CDH9: variants seen among roughly 807,000 people sequenced by gnomAD.
The protein encoded by CDH9 is cadherin 9.
In CDH9, 28 loss-of-function variants were observed where a neutral mutation model predicts 70.9. That is an observed-to-expected ratio of 0.40 (90% CI 0.29 to 0.54). CDH9 has a LOEUF of 0.54. Ranked by LOEUF, CDH9 falls within the 20% of genes least tolerant of loss-of-function variation. The pLI, the probability that CDH9 is intolerant of heterozygous loss-of-function variation, is 0.59. For synonymous variants in CDH9, 409 were observed against 343.1 expected (o/e 1.19, Z -2.12); for missense variants, 874 against 984.4 (o/e 0.89, Z 1.50).
intron 1 of CDH9, among the ~76,000 whole-genome samples, chr5:26,991,162 C>A: frequency 6.6e-6 from 1 of 152,064 alleles, no homozygotes; most frequent in East Asian, 1.9e-4. Context: ...ACTTCTAGTC[C>A]GGTAAGAGAT....
chr5:27,030,040 T>A (rs187001546), intron 1 of CDH9, among the ~76,000 whole-genome samples: 1 of 152,002 alleles, frequency 6.6e-6, no homozygotes, highest in Admixed American at 6.6e-5. Context: ...TACAAGGATA[T>A]CCTTTGCTTT....
intron 2 of CDH9, among the ~76,000 whole-genome samples, chr5:26,979,744 T>A (rs775973609): frequency 6.6e-6 from 1 of 151,812 alleles, no homozygotes; most frequent in African/African-American, 2.4e-5. Flanking sequence ...GTTGTGTGGG[T>A]AAACTCTTAG....
chr5:26,887,864 G>A (rs1420085036), intron 9 of CDH9, among the ~76,000 whole-genome samples: 3 of 152,098 alleles, frequency 2.0e-5, no homozygotes, highest in Non-Finnish European at 2.9e-5. Context: ...AGGATGTCAA[G>A]GATGGCTGGC....
In CDH9 at chr5:26,915,730, C is replaced by T. The variant is rs756255773; in HGVS notation, c.423G>A (p.Pro141=). The T allele has an allele frequency of 8.7e-6, 14 of 1,613,152 alleles. No individual in the cohort carries two copies. The highest frequency in any genetic ancestry group is 6.7e-5 in the East Asian group (3 of 44,864). Reference sequence around the variant, plus strand: ...GTATTTTAATGATAAATTCCGATTCCGGTTCCACCTGCCGCCCAGTTTTTC... The same window carrying T: ...GTATTTTAATGATAAATTCCGATTCTGGTTCCACCTGCCGCCCAGTTTTTC... ...IDRKTGRQVE[P]ESEFIIKIHD... The change falls in exon 3 of 12, where the codon CCG becomes CCA. Residue 141 remains proline (P), a synonymous_variant. Transcript: ENST00000231021.
chr5:26,939,376 A>G lies in CDH9; in HGVS notation c.229-23452T>C, dbSNP rs933636292. Among the ~76,000 whole-genome samples the G allele has an allele frequency of 7.9e-5, 12 of 151,870 alleles. No homozygotes were observed. The South Asian group carries it at 2.1e-3, about 26-fold the overall frequency. On this transcript the variant is annotated intron_variant, in intron 2 of 11. Transcript: ENST00000231021. ...TCAGAAGGTAATCTCATTTCACAAAAGAAATTATAAATAACAAATAAGCAA... is the reference window on the plus strand; with the variant it reads ...TCAGAAGGTAATCTCATTTCACAAAGGAAATTATAAATAACAAATAAGCAA...
chr5:26,917,121 T>A (rs1357177810), intron 2 of CDH9, among the ~76,000 whole-genome samples: 2 of 152,002 alleles, frequency 1.3e-5, no homozygotes, highest in African/African-American at 2.4e-5. Context: ...AATAATTTTT[T>A]AAAATTAATT....
At chr5:26,931,384 T>C (rs896169874) in intron 2 of CDH9, among the ~76,000 whole-genome samples, 11 of 152,132 alleles carry the variant, frequency 7.2e-5, no homozygotes, top group Admixed American at 1.3e-4. Flanking sequence ...ATTGGAATCA[T>C]AAACTGTGCA....
At chr5:27,002,321 G>T (rs952267617) in intron 1 of CDH9, among the ~76,000 whole-genome samples, 5 of 152,104 alleles carry the variant, frequency 3.3e-5, no homozygotes, top group African/African-American at 4.8e-5. Flanking sequence ...CACTGTTGGT[G>T]GGACTGTAAA....
At chr5:27,009,323 G>A (rs1742917827) in intron 1 of CDH9, among the ~76,000 whole-genome samples, 1 of 152,062 alleles carries the variant, frequency 6.6e-6, no homozygotes, top group African/African-American at 2.4e-5. Flanking sequence ...TGCATTAAAA[G>A]ATATTGTATC....
intron 2 of CDH9, among the ~76,000 whole-genome samples, chr5:26,950,588 C>T (rs1199760735): frequency 6.6e-6 from 1 of 152,060 alleles, no homozygotes; most frequent in Non-Finnish European, 1.5e-5. Flanking sequence ...TCAGTTCCTG[C>T]TGCATCAGTG....
chr5:26,930,528 G>A (rs1017673916), intron 2 of CDH9, among the ~76,000 whole-genome samples: 1 of 152,060 alleles, frequency 6.6e-6, no homozygotes, highest in African/African-American at 2.4e-5. Context: ...GCATATAAGT[G>A]GACCTGCACA....
chr5:27,019,300 A>AGCCAGACT (rs1743097056), intron 1 of CDH9, among the ~76,000 whole-genome samples: 3 of 152,084 alleles, frequency 2.0e-5, no homozygotes, highest in African/African-American at 7.2e-5. Flanking sequence ...GTCATAGGTT[A>AGCCAGACT]GCCAGACTAT....
At chr5:26,932,911 A>C (rs1202463395) in intron 2 of CDH9, among the ~76,000 whole-genome samples, 1 of 150,684 alleles carries the variant, frequency 6.6e-6, no homozygotes, top group African/African-American at 2.4e-5. Flanking sequence ...TTTCCACTCT[A>C]AGCAAATTAA....
In CDH9 at chr5:26,902,347, T is replaced by A. The variant is rs1031060969; in HGVS notation, c.1253+129A>T. 7 of 629,570 alleles carry A rather than the reference T, an allele frequency of 1.1e-5. No homozygotes were observed. In the African/African-American group the frequency reaches 1.3e-4, roughly 12 times the overall value. 39.0% of individuals were successfully genotyped at this position (629,570 alleles called of 1,614,324 possible). On this transcript the variant is annotated intron_variant, in intron 7 of 11. Transcript: ENST00000231021. The stretch of plus-strand genomic sequence containing the variant: ...TGCAACCATTTTTTCACACAGTTTG[T>A]AAATAGTGAGATTATTGGTATTATT...
intron 6 of CDH9, chr5:26,903,299 A>G (rs968525679): frequency 2.7e-6 from 1 of 366,528 alleles, no homozygotes; most frequent in Non-Finnish European, 5.1e-6. Context: ...ATATATCATC[A>G]CACTTACAAT....
intron 2 of CDH9, among the ~76,000 whole-genome samples, chr5:26,924,357 A>G (rs545018418): frequency 6.6e-6 from 1 of 151,948 alleles, no homozygotes; most frequent in African/African-American, 2.4e-5. Flanking sequence ...AAGAAATCCA[A>G]AACCTAAACA....
At chr5:26,928,233 T>G (rs1457396515) in intron 2 of CDH9, among the ~76,000 whole-genome samples, 1 of 151,960 alleles carries the variant, frequency 6.6e-6, no homozygotes. Flanking sequence ...ATGAAGAAAC[T>G]TATCCCATTT....
intron 11 of CDH9, among the ~76,000 whole-genome samples, chr5:26,885,065 A>T (rs1443703423): frequency 1.3e-5 from 2 of 152,158 alleles, no homozygotes; most frequent in African/African-American, 4.8e-5. Flanking sequence ...ACTTTAACAC[A>T]TTTGCATGTT....
chr5:26,999,920 C>T (rs752346643), intron 1 of CDH9, among the ~76,000 whole-genome samples: 22 of 151,730 alleles, frequency 1.4e-4, no homozygotes, highest in Non-Finnish European at 3.1e-4. Flanking sequence ...TCTTAATGAC[C>T]TTGGGTTTGG....
Sources: gnomAD v4.1 joint callset for allele counts (sites outside exome capture counted in the v4.1 genomes callset) on GRCh38, gnomAD v4.1.1 for gene constraint, MANE v1.5 for transcripts, NCBI Gene and HGNC (gene_info 2026-07-23, HGNC 2026-07-21) for gene names.